The following TOX3 variants were observed in gnomAD, a reference collection of about 807,000 sequenced individuals.
The protein encoded by TOX3 is TOX high mobility group box family member 3, also known as CAG trinucleotide repeat-containing gene F9 protein.
A neutral mutation model predicts 64.3 loss-of-function variants in TOX3; 22 were observed. The ratio of observed to expected loss-of-function variants is 0.34; its 90% CI spans 0.24 to 0.49. The LOEUF (loss-of-function observed/expected upper bound fraction) is 0.49. TOX3 is among the 20% of genes least tolerant of loss of function. The pLI, the probability that TOX3 is intolerant of heterozygous loss-of-function variation, is 0.99. For missense variants in TOX3, 661 were observed against 714.4 expected, an observed-to-expected ratio of 0.93 and a Z score of 0.85; for synonymous variants, 291 against 273.6, an observed-to-expected ratio of 1.06 and a Z score of -0.63.
chr16:52,530,539 G>A (rs1162511924), intron 1 of TOX3, among the ~76,000 whole-genome samples: 1 of 152,076 alleles, frequency 6.6e-6, no homozygotes, highest in Non-Finnish European at 1.5e-5. Context: ...GTTTCACCAT[G>A]TTGGTCATGG....
intron 1 of TOX3, among the ~76,000 whole-genome samples, chr16:52,469,248 T>C (rs1960963006): frequency 6.6e-6 from 1 of 152,240 alleles, no homozygotes; most frequent in Admixed American, 6.5e-5. Context: ...TTTCATTCGC[T>C]AACACAATGG....
chr16:52,494,310 C>T (rs1208053496), intron 1 of TOX3, among the ~76,000 whole-genome samples: 1 of 152,166 alleles, frequency 6.6e-6, no homozygotes. Flanking sequence ...GGTGTGGCTT[C>T]TCCACCTTCT....
chr16:52,478,841 C>T (rs946098176), intron 1 of TOX3, among the ~76,000 whole-genome samples: 7 of 152,076 alleles, frequency 4.6e-5, no homozygotes, highest in Non-Finnish European at 8.8e-5. Flanking sequence ...CACAAACTCC[C>T]AAGAAAGGAT....
intron 1 of TOX3, among the ~76,000 whole-genome samples, chr16:52,537,860 A>G (rs1219405236): frequency 1.0e-4 from 15 of 146,580 alleles, no homozygotes; most frequent in Non-Finnish European, 1.9e-4. Flanking sequence ...CTACTTGAGT[A>G]CAGCCTGGCT....
At chr16:52,441,476 T>C (rs140839275) in intron 6 of TOX3, among the ~76,000 whole-genome samples, 54 of 152,324 alleles carry the variant, frequency 3.5e-4, no homozygotes, top group African/African-American at 1.3e-3. Flanking sequence ...AAACTATCTA[T>C]TACATTTTGT....
intron 6 of TOX3, among the ~76,000 whole-genome samples, chr16:52,443,681 C>A (rs1960072910): frequency 6.6e-6 from 1 of 152,094 alleles, no homozygotes; most frequent in South Asian, 2.1e-4. Flanking sequence ...AGCTCATATT[C>A]CTTTGGATTC....
At chr16:52,482,736 G>A (rs116610639) in intron 1 of TOX3, among the ~76,000 whole-genome samples, 255 of 152,116 alleles carry the variant, frequency 1.7e-3, no homozygotes, top group African/African-American at 5.9e-3. Flanking sequence ...ACTCTTATAC[G>A]AAGTGTACAT....
intron 1 of TOX3, among the ~76,000 whole-genome samples, chr16:52,497,398 G>A (rs1961876432): frequency 6.6e-6 from 1 of 152,184 alleles, no homozygotes; most frequent in African/African-American, 2.4e-5. Flanking sequence ...CTGAAGAATA[G>A]AAGCTATATA....
intron 1 of TOX3, among the ~76,000 whole-genome samples, chr16:52,501,554 G>A (rs1392098039): frequency 6.6e-6 from 1 of 151,944 alleles, no homozygotes; most frequent in African/African-American, 2.4e-5. Context: ...CAGCTACTAG[G>A]GAGGCTGAAG....
At chr16:52,489,894 A>G (rs1026826120) in intron 1 of TOX3, among the ~76,000 whole-genome samples, 2 of 152,064 alleles carry the variant, frequency 1.3e-5, no homozygotes, top group Non-Finnish European at 2.9e-5. Context: ...CATCTTTCAC[A>G]TCACTGCATA....
At chr16:52,485,267 T>TATATATATATATATACAC (rs1163640369) in intron 1 of TOX3, among the ~76,000 whole-genome samples, 2 of 137,850 alleles carry the variant, frequency 1.5e-5, no homozygotes, top group African/African-American at 5.3e-5. Context: ...TATATATATA[T>TATATATATATATATACAC]ATATACATAT....
intron 1 of TOX3, among the ~76,000 whole-genome samples, chr16:52,504,651 G>T (rs772717282): frequency 6.6e-6 from 1 of 152,026 alleles, no homozygotes; most frequent in Non-Finnish European, 1.5e-5. Context: ...TTTGTTTCAT[G>T]GATGGGGTAA....
chr16:52,447,819 C>T (rs1308773016), intron 4 of TOX3, among the ~76,000 whole-genome samples: 1 of 152,110 alleles, frequency 6.6e-6, no homozygotes, highest in Admixed American at 6.6e-5. Flanking sequence ...ATTATTTAAA[C>T]AAGAAAAACT....
chr16:52,545,220 A>C (rs916040000), intron 1 of TOX3, among the ~76,000 whole-genome samples: 4 of 152,200 alleles, frequency 2.6e-5, no homozygotes, highest in Admixed American at 1.3e-4. Context: ...ATAAATGCTT[A>C]GCGTAGCCCT....
At chr16:52,496,135 G>A (rs1961844319) in intron 1 of TOX3, among the ~76,000 whole-genome samples, 1 of 152,166 alleles carries the variant, frequency 6.6e-6, no homozygotes, top group Non-Finnish European at 1.5e-5. Context: ...TTGCTTAAAT[G>A]TATAAAACTG....
At chr16:52,509,771 G>A (rs1453738630) in intron 1 of TOX3, among the ~76,000 whole-genome samples, 1 of 152,110 alleles carries the variant, frequency 6.6e-6, no homozygotes. Flanking sequence ...TCATTGCTAG[G>A]TATTGGTTAA....
chr16:52,465,674 T>C (rs1189548934), intron 2 of TOX3, among the ~76,000 whole-genome samples: 3 of 151,850 alleles, frequency 2.0e-5, no homozygotes, highest in African/African-American at 7.3e-5. Flanking sequence ...AAGCTATCAA[T>C]CATGATATAA....
chr16:52,489,820 G>A (rs1337168837), intron 1 of TOX3, among the ~76,000 whole-genome samples: 1 of 150,888 alleles, frequency 6.6e-6, no homozygotes, highest in African/African-American at 2.4e-5. Flanking sequence ...CCTTTCCAAA[G>A]CCACGACCTT....
intron 1 of TOX3, among the ~76,000 whole-genome samples, chr16:52,540,564 A>G (rs917539107): frequency 3.3e-5 from 5 of 152,174 alleles, no homozygotes; most frequent in Non-Finnish European, 7.4e-5. Context: ...AAACTGATCA[A>G]AGTAATCTTC....
Sources: gnomAD v4.1 joint callset for allele counts (sites outside exome capture counted in the v4.1 genomes callset) on GRCh38, gnomAD v4.1.1 for gene constraint, MANE v1.5 for transcripts, NCBI Gene and HGNC (gene_info 2026-07-23, HGNC 2026-07-21) for gene names.